RAB3IP: variants seen among roughly 807,000 people sequenced by gnomAD.
RAB3IP encodes RAB3A interacting protein.
RAB3IP carries 36 observed loss-of-function variants against 59.1 expected under a neutral mutation model. The ratio of observed to expected loss-of-function variants is 0.61; its 90% CI spans 0.47 to 0.80. The LOEUF is 0.80. RAB3IP is among the 30% of genes least tolerant of loss of function. The pLI is 0.00. For missense variants in RAB3IP, 511 were observed against 536.0 expected, an observed-to-expected ratio of 0.95 and a Z score of 0.46; for synonymous variants, 207 against 191.2, an observed-to-expected ratio of 1.08 and a Z score of -0.68.
chr12:69,761,329 T>C (rs1215843312), intron 3 of RAB3IP, among the ~76,000 whole-genome samples: 2 of 152,350 alleles, frequency 1.3e-5, no homozygotes, highest in Non-Finnish European at 1.5e-5. Flanking sequence ...ATTTCATCTC[T>C]TCAGATAATA....
intron 1 of RAB3IP, among the ~76,000 whole-genome samples, chr12:69,749,978 G>A (rs1009691077): frequency 7.2e-5 from 11 of 152,174 alleles, no homozygotes; most frequent in African/African-American, 2.7e-4. Flanking sequence ...TAGGGTTAAT[G>A]TTGCAGGCAT....
chr12:69,810,878 A>C (rs967089813), intron 8 of RAB3IP, among the ~76,000 whole-genome samples: 2 of 152,202 alleles, frequency 1.3e-5, no homozygotes, highest in African/African-American at 4.8e-5. Flanking sequence ...AGAGTTATAG[A>C]GATTTATTAA....
chr12:69,779,227 A>G (rs1280195454), intron 3 of RAB3IP: 3 of 143,260 alleles, frequency 2.1e-5, no homozygotes, highest in Admixed American at 7.0e-5. Context: ...GAACTCCCTG[A>G]CCCCTTGCGC....
intron 1 of RAB3IP, among the ~76,000 whole-genome samples, chr12:69,751,414 C>T (rs1029476824): frequency 1.3e-5 from 2 of 152,132 alleles, no homozygotes; most frequent in Admixed American, 6.6e-5. Context: ...CATGGTATTA[C>T]TCTGAGTACA....
intron 8 of RAB3IP, chr12:69,812,569 A>G (rs1281009030): frequency 1.0e-5 from 5 of 497,766 alleles, no homozygotes; most frequent in African/African-American, 2.0e-5. Flanking sequence ...ATGTTATGGC[A>G]TTAAACTTAT....
At chr12:69,757,052 A>C (rs1374367166) in intron 3 of RAB3IP, among the ~76,000 whole-genome samples, 1 of 152,204 alleles carries the variant, frequency 6.6e-6, no homozygotes. Context: ...TTTTGAGTTT[A>C]AGCTGAGTTT....
intron 1 of RAB3IP, among the ~76,000 whole-genome samples, chr12:69,751,132 C>T (rs1455602315): frequency 6.6e-6 from 1 of 152,088 alleles, no homozygotes; most frequent in Non-Finnish European, 1.5e-5. Flanking sequence ...CAGAGAAGGC[C>T]AGTGAGGTAC....
At chr12:69,797,514 C>CT in intron 6 of RAB3IP, among the ~76,000 whole-genome samples, 1 of 48,114 alleles carries the variant, frequency 2.1e-5, no homozygotes, top group South Asian at 6.6e-4. Flanking sequence ...AAATTTGCAT[C>CT]TTTCTTTTTT....
intron 8 of RAB3IP, among the ~76,000 whole-genome samples, chr12:69,809,278 CTGA>C (rs1880003001): frequency 6.6e-6 from 1 of 152,190 alleles, no homozygotes; most frequent in Non-Finnish European, 1.5e-5. Context: ...AGCTGTTAGT[CTGA>C]TGGGCTTCCC....
chr12:69,802,245 T>A (rs1284201029), intron 8 of RAB3IP, among the ~76,000 whole-genome samples: 2 of 152,018 alleles, frequency 1.3e-5, no homozygotes, highest in African/African-American at 4.8e-5. Flanking sequence ...GGGAAGGTAC[T>A]GAGTTAGACT....
At chr12:69,800,144 T>C (rs1565918924) in intron 6 of RAB3IP, 65 bp from the exon 7 acceptor site, 3 of 1,327,434 alleles carry the variant, frequency 2.3e-6, no homozygotes. Context: ...GTTTTGGTTT[T>C]GTAAAGCGGT....
chr12:69,755,338 A>C, intron 1 of RAB3IP, 46 bp from the exon 2 acceptor site: 1 of 1,443,118 alleles, frequency 6.9e-7, no homozygotes, highest in Non-Finnish European at 9.6e-7. Flanking sequence ...TTTAGTTTTA[A>C]ATGTTATTAT....
chr12:69,799,822 T>C (rs945804668), intron 6 of RAB3IP, among the ~76,000 whole-genome samples: 9 of 152,152 alleles, frequency 5.9e-5, no homozygotes, highest in African/African-American at 2.2e-4. Flanking sequence ...CATCATTTAT[T>C]ATATTCTGAA....
intron 1 of RAB3IP, among the ~76,000 whole-genome samples, chr12:69,746,667 G>T (rs1334598497): frequency 6.6e-6 from 1 of 152,144 alleles, no homozygotes; most frequent in East Asian, 1.9e-4. Context: ...ATATATGTAT[G>T]AAATAAATGT....
chr12:69,800,153 GT>G, intron 6 of RAB3IP, 55 bp from the exon 7 acceptor site: 2 of 1,384,650 alleles, frequency 1.4e-6, no homozygotes, highest in Non-Finnish European at 1.9e-6. Flanking sequence ...TTGTAAAGCG[GT>G]TTTTATGTTT....
At chr12:69,790,874 A>C (rs1362252211) in intron 4 of RAB3IP, among the ~76,000 whole-genome samples, 1 of 152,168 alleles carries the variant, frequency 6.6e-6, no homozygotes, top group Non-Finnish European at 1.5e-5. Flanking sequence ...GTGAGCCACT[A>C]TGCCCAGCCC....
Position 69,758,141 on chromosome 12 carries a change from T to C in RAB3IP, c.510+1478T>C, listed in dbSNP as rs188434318. 2.0e-3 allele frequency among the ~76,000 whole-genome samples: 309 copies of C among 152,370 alleles called. 1 individual carries two copies. The highest frequency in any genetic ancestry group is 2.2e-3 in the Non-Finnish European group (150 of 68,022). On this transcript the variant is annotated intron_variant, in intron 3 of 10. Coordinates refer to ENST00000247833, the MANE Select transcript of RAB3IP (RefSeq NM_022456.5). Reference sequence around the variant, plus strand: ...AATCAAACTATGTCAACAGCCATTTTCTTTAGTCTTATCTTAAGAGAGGCC... The same window carrying C: ...AATCAAACTATGTCAACAGCCATTTCCTTTAGTCTTATCTTAAGAGAGGCC...
intron 3 of RAB3IP, among the ~76,000 whole-genome samples, chr12:69,762,578 A>G (rs1174282561): frequency 6.6e-6 from 1 of 151,974 alleles, no homozygotes; most frequent in African/African-American, 2.4e-5. Flanking sequence ...TAACACGGTG[A>G]AACCGCTTCT....
chr12:69,758,066 G>C (rs968259209), intron 3 of RAB3IP, among the ~76,000 whole-genome samples: 3 of 152,202 alleles, frequency 2.0e-5, no homozygotes, highest in Non-Finnish European at 2.9e-5. Flanking sequence ...CTCAAGGCTT[G>C]AAAAGGACTC....
Sources: allele counts gnomAD v4.1 joint callset (sites outside exome capture counted in the v4.1 genomes callset), GRCh38; gene constraint gnomAD v4.1.1; transcripts MANE v1.5; gene names NCBI Gene and HGNC (gene_info 2026-07-23, HGNC 2026-07-21).